MED20: variants seen among roughly 807,000 people sequenced by gnomAD.
MED20 encodes mediator complex subunit 20, also known as mediator of RNA polymerase II transcription subunit 20.
MED20 carries 19 observed loss-of-function variants against 19.7 expected under a neutral mutation model. The observed-to-expected ratio is 0.96, with a 90% confidence interval of 0.67 to 1.42. The LOEUF is 1.42. MED20 is among the 40% of genes most tolerant of loss of function. MED20 has a pLI of 0.00. For missense variants in MED20, 225 were observed against 273.0 expected (o/e 0.82, Z 1.24); for synonymous variants, 105 against 104.8 (o/e 1.00, Z -0.01).
chr6:41,907,070 C>A lies in MED20; in HGVS notation c.*2G>T, dbSNP rs1775069497. 6.2e-7 allele frequency: 1 copy of A among 1,612,836 alleles called. No homozygotes were observed. The highest frequency in any genetic ancestry group is 1.1e-5 in the South Asian group (1 of 91,040). ...CAGAGCTCAGCTGGCAGCTGCTCATCACTAACGAATCCCAGCCACCGGCAC... is the reference window on the plus strand; with the variant it reads ...CAGAGCTCAGCTGGCAGCTGCTCATAACTAACGAATCCCAGCCACCGGCAC... On this transcript the variant is annotated 3_prime_UTR_variant, in exon 4 of 4. Transcript: ENST00000265350.
chr6:41,916,852 C>T lies in MED20; in HGVS notation c.102G>A (p.Glu34=). 1 of 1,614,136 alleles carries T rather than the reference C, an allele frequency of 6.2e-7. No homozygotes were observed. Among genetic ancestry groups the T allele is most frequent in the Non-Finnish European group, 8.5e-7 (1 of 1,180,018 alleles). ...AGTCCACACAAAATGTTCCTTGCTT[C>T]TCTGCCCCAAGCATCTCCAATTTCC... ...LTRKLEMLGA[E]KQGTFCVDCE... The change falls in exon 2 of 4, where the codon GAG becomes GAA. Residue 34 remains glutamate (E), a synonymous_variant. Coordinates refer to ENST00000265350, the MANE Select transcript of MED20 (RefSeq NM_004275.5).
At chr6:41,918,640 C>T (rs1318305690) in intron 1 of MED20, among the ~76,000 whole-genome samples, 4 of 150,434 alleles carry the variant, frequency 2.7e-5, no homozygotes, top group Non-Finnish European at 4.4e-5. Flanking sequence ...GGTGAAACCC[C>T]GTCTCTACCA....
intron 2 of MED20, among the ~76,000 whole-genome samples, chr6:41,910,697 G>A (rs1478504527): frequency 1.3e-5 from 2 of 151,068 alleles, no homozygotes; most frequent in South Asian, 4.2e-4. Context: ...TACGCTACAA[G>A]AATTAATGGA....
At chr6:41,908,165 T>G (rs1729636325) in intron 3 of MED20, among the ~76,000 whole-genome samples, 1 of 152,210 alleles carries the variant, frequency 6.6e-6, no homozygotes, top group African/African-American at 2.4e-5. Flanking sequence ...TCAGCAGTGT[T>G]CACACTGGCC....
intron 1 of MED20, 50 bp downstream of exon 1, chr6:41,920,955 G>A (rs1319890720): frequency 1.3e-6 from 2 of 1,592,844 alleles, no homozygotes. Context: ...TCCTCTTTCC[G>A]GCCTTTCACA....
chr6:41,912,940 T>G (rs943052615), intron 2 of MED20: 5 of 151,730 alleles, frequency 3.3e-5, no homozygotes, highest in African/African-American at 1.2e-4. Flanking sequence ...AGACCTTGAC[T>G]CTACAAAAAA....
intron 1 of MED20, among the ~76,000 whole-genome samples, chr6:41,919,128 CA>C (rs35512146): frequency 0.026 from 1,185 of 44,906 alleles, 4 homozygotes; most frequent in African/African-American, 0.046. Context: ...GACTCTGCCT[CA>C]AAAAAAAAAA....
chr6:41,916,301 C>CG (rs1189515029), intron 2 of MED20, among the ~76,000 whole-genome samples: 1 of 148,350 alleles, frequency 6.7e-6, no homozygotes, highest in Non-Finnish European at 1.5e-5. Context: ...ATAAAGTGGC[C>CG]GGGCACAGTG....
intron 3 of MED20, 169 bp downstream of exon 3, chr6:41,909,100 G>T: frequency 1.2e-6 from 1 of 814,290 alleles, no homozygotes; most frequent in Middle Eastern, 3.8e-4. Context: ...CTTGAGCCCT[G>T]GAGGTCGAGG....
chr6:41,917,940 G>A (rs1158038565), intron 1 of MED20: 1 of 310,190 alleles, frequency 3.2e-6, no homozygotes, highest in Admixed American at 4.0e-5. Flanking sequence ...AAGAAAAGCA[G>A]TCTTCAAGTT....
At chr6:41,916,292 T>TA (rs1472284118) in intron 2 of MED20, among the ~76,000 whole-genome samples, 1 of 146,732 alleles carries the variant, frequency 6.8e-6, no homozygotes, top group African/African-American at 2.6e-5. Context: ...TAAAATAAAA[T>TA]AAAGTGGCCG....
chr6:41,915,940 A>G (rs991274355), intron 2 of MED20, among the ~76,000 whole-genome samples: 2 of 152,162 alleles, frequency 1.3e-5, no homozygotes, highest in African/African-American at 4.8e-5. Context: ...CTACTTGTGT[A>G]TCAACTATAC....
intron 1 of MED20, among the ~76,000 whole-genome samples, chr6:41,918,604 G>A (rs915036342): frequency 2.0e-5 from 3 of 151,848 alleles, no homozygotes; most frequent in Non-Finnish European, 2.9e-5. Flanking sequence ...ACGAGGTCAG[G>A]AGATCAAGAC....
intron 1 of MED20, among the ~76,000 whole-genome samples, chr6:41,919,128 C>CAA (rs35512146): frequency 0.046 from 1,907 of 41,490 alleles, 80 homozygotes; most frequent in African/African-American, 0.1. Flanking sequence ...GACTCTGCCT[C>CAA]AAAAAAAAAA....
intron 1 of MED20, among the ~76,000 whole-genome samples, chr6:41,920,334 C>A (rs1341616817): frequency 6.6e-6 from 1 of 152,122 alleles, no homozygotes; most frequent in Non-Finnish European, 1.5e-5. Context: ...GCGGGTCTAA[C>A]TGTATTTGAT....
intron 2 of MED20, among the ~76,000 whole-genome samples, chr6:41,914,925 T>C (rs1407780516): frequency 6.6e-6 from 1 of 152,210 alleles, no homozygotes; most frequent in Non-Finnish European, 1.5e-5. Context: ...CAAAGACTTC[T>C]GGGCCTAAAA....
chr6:41,916,817 T>C lies in MED20; in HGVS notation c.137A>G (p.Tyr46Cys). 6.2e-7 allele frequency: 1 copy of C among 1,614,096 alleles called. No homozygotes were observed. Among genetic ancestry groups the C allele is most frequent in the Non-Finnish European group, 8.5e-7 (1 of 1,179,990 alleles). The change falls in exon 2 of 4, where the codon TAC (tyrosine) becomes TGC (cysteine). Residue 46 changes from tyrosine (Y) to cysteine (C), a missense_variant. Tyr to Cys is a radical substitution (Grantham distance 194, BLOSUM62 -2). Transcript: ENST00000265350. ...GCCAAGGGTAGAGGCGGCCGTATGG[T>C]AAGTCTCACAGTCCACACAAAATGT... ...QGTFCVDCET[Y>C]HTAASTLGSQ... is the part of the protein sequence containing the mutation.
chr6:41,911,067 C>G (rs553360441), intron 2 of MED20, among the ~76,000 whole-genome samples: 1 of 150,812 alleles, frequency 6.6e-6, no homozygotes, highest in Non-Finnish European at 1.5e-5. Flanking sequence ...CGAGATCGTG[C>G]CACTGCACTC....
At position 41,916,794 on chromosome 6, in the gene MED20, C is replaced by T. The variant is rs1282969794; in HGVS notation, c.160G>A (p.Gly54Ser). 7.4e-6 allele frequency: 12 copies of T among 1,614,002 alleles called. No individual in the cohort carries two copies. In the South Asian group the frequency reaches 1.3e-4, roughly 18 times the overall value. The change falls in exon 2 of 4, where the codon GGC becomes AGC. Residue 54 changes from glycine to serine, a missense_variant. Transcript: ENST00000265350. ...GACCCATCTCACTGACCTTGGCTGCCAAGGGTAGAGGCGGCCGTATGGTAA... is the reference window on the plus strand; with the variant it reads ...GACCCATCTCACTGACCTTGGCTGCTAAGGGTAGAGGCGGCCGTATGGTAA... ...ETYHTAASTL[G>S]SQGQTGKLMY...
Sources: gnomAD v4.1 joint callset for allele counts (sites outside exome capture counted in the v4.1 genomes callset) on GRCh38, gnomAD v4.1.1 for gene constraint, MANE v1.5 for transcripts, NCBI Gene and HGNC (gene_info 2026-07-23, HGNC 2026-07-21) for gene names.